PCSK2: variants seen among roughly 807,000 people sequenced by gnomAD.
PCSK2 encodes proprotein convertase subtilisin/kexin type 2, also known as neuroendocrine convertase 2.
In PCSK2, 14 loss-of-function variants were observed where a neutral mutation model predicts 69.7. The ratio of observed to expected loss-of-function variants is 0.20; its 90% CI spans 0.13 to 0.31. The LOEUF is 0.31. Ranked by LOEUF, PCSK2 falls within the 10% of genes least tolerant of loss-of-function variation. The pLI, the probability that PCSK2 is intolerant of heterozygous loss-of-function variation, is 1.00. For synonymous variants in PCSK2, 307 were observed against 320.7 expected, an observed-to-expected ratio of 0.96 and a Z score of 0.46; for missense variants, 544 against 842.5, an observed-to-expected ratio of 0.65 and a Z score of 4.39.
At chr20:17,466,622 T>C (rs1240304082) in intron 11 of PCSK2, among the ~76,000 whole-genome samples, 5 of 152,232 alleles carry the variant, frequency 3.3e-5, no homozygotes, top group Non-Finnish European at 5.9e-5. Flanking sequence ...TCTGTCCTCC[T>C]TGATGCATTA....
chr20:17,283,178 G>A (rs1276583575), intron 2 of PCSK2, among the ~76,000 whole-genome samples: 2 of 151,996 alleles, frequency 1.3e-5, no homozygotes, highest in Non-Finnish European at 2.9e-5. Context: ...AGAGATAGGT[G>A]GATACACAGA....
intron 11 of PCSK2, among the ~76,000 whole-genome samples, chr20:17,469,779 A>G (rs2033169500): frequency 6.6e-6 from 1 of 151,718 alleles, no homozygotes; most frequent in Non-Finnish European, 1.5e-5. Context: ...AATGTCATCC[A>G]GCTACTAAGC....
intron 1 of PCSK2, among the ~76,000 whole-genome samples, chr20:17,246,770 G>T (rs577534182): frequency 6.7e-6 from 1 of 149,730 alleles, no homozygotes; most frequent in East Asian, 2.0e-4. Context: ...GAGAGCAGCT[G>T]TTGTTTCACT....
intron 8 of PCSK2, among the ~76,000 whole-genome samples, chr20:17,438,958 C>T (rs1046073394): frequency 2.0e-5 from 3 of 152,184 alleles, no homozygotes; most frequent in African/African-American, 7.2e-5. Context: ...GAGAGCCCTC[C>T]CTCAATGAGT....
intron 8 of PCSK2, among the ~76,000 whole-genome samples, chr20:17,452,669 G>C (rs1271309299): frequency 6.6e-6 from 1 of 152,222 alleles, no homozygotes; most frequent in East Asian, 1.9e-4. Flanking sequence ...GGAGTGGCTG[G>C]AGGTTGCACC....
intron 5 of PCSK2, among the ~76,000 whole-genome samples, chr20:17,370,778 T>C (rs986382968): frequency 3.3e-5 from 5 of 152,218 alleles, no homozygotes; most frequent in African/African-American, 1.2e-4. Context: ...ACTCCGCTAG[T>C]GCCTTCACCT....
chr20:17,295,517 ATT>A (rs1465196056), intron 2 of PCSK2, among the ~76,000 whole-genome samples: 6 of 142,494 alleles, frequency 4.2e-5, no homozygotes, highest in East Asian at 2.7e-4. Flanking sequence ...TTGTATATTT[ATT>A]TTTATATATA....
chr20:17,227,809 G>A (rs1318995916), intron 1 of PCSK2, among the ~76,000 whole-genome samples: 1 of 152,218 alleles, frequency 6.6e-6, no homozygotes, highest in Non-Finnish European at 1.5e-5. Flanking sequence ...TGGGGATGGA[G>A]GGATGAAGCC....
intron 2 of PCSK2, among the ~76,000 whole-genome samples, chr20:17,317,111 C>T (rs950000103): frequency 3.3e-5 from 5 of 152,080 alleles, no homozygotes; most frequent in Admixed American, 3.3e-4. Context: ...TTCTTCTCTC[C>T]CAACAGATGC....
chr20:17,365,183 C>A (rs1192870528), intron 4 of PCSK2, among the ~76,000 whole-genome samples: 3 of 152,252 alleles, frequency 2.0e-5, no homozygotes, highest in Admixed American at 2.0e-4. Context: ...CTCTCTGCTT[C>A]CAAGATGGCC....
chr20:17,391,103 A>G (rs1172286101), intron 5 of PCSK2, among the ~76,000 whole-genome samples: 1 of 152,216 alleles, frequency 6.6e-6, no homozygotes, highest in Non-Finnish European at 1.5e-5. Flanking sequence ...ATCCCTTTAG[A>G]ATAAGTTCTT....
chr20:17,226,985 G>A (rs1437904753), upstream of PCSK2: 2 of 191,394 alleles, frequency 1.0e-5, no homozygotes, highest in East Asian at 2.6e-4. Flanking sequence ...CTAGGGAATT[G>A]GAGCTGAGGA....
intron 2 of PCSK2, among the ~76,000 whole-genome samples, chr20:17,325,344 G>A (rs1013639027): frequency 2.6e-5 from 4 of 152,176 alleles, no homozygotes; most frequent in Non-Finnish European, 5.9e-5. Flanking sequence ...TCACTACACA[G>A]TTTGTAAATA....
intron 11 of PCSK2, among the ~76,000 whole-genome samples, chr20:17,468,992 A>G (rs556792885): frequency 2.0e-5 from 3 of 152,378 alleles, no homozygotes; most frequent in African/African-American, 7.2e-5. Context: ...TCAGCACCAC[A>G]TGGAAAAAAT....
intron 4 of PCSK2, among the ~76,000 whole-genome samples, chr20:17,364,918 C>T (rs771300118): frequency 2.0e-4 from 31 of 152,002 alleles, no homozygotes; most frequent in Non-Finnish European, 3.7e-4. Context: ...CAGCTGGGAC[C>T]GTCAAAAAGA....
Position 17,453,402 on chromosome 20 carries a change from A to G in PCSK2, c.886-340A>G, listed in dbSNP as rs1245810153. Among the ~76,000 whole-genome samples the G allele has an allele frequency of 6.6e-6, 1 of 152,204 alleles. No homozygotes were observed. The highest frequency in any genetic ancestry group is 6.5e-5 in the Admixed American group (1 of 15,280). On this transcript the variant is annotated intron_variant, in intron 8 of 11. Coordinates refer to ENST00000262545, the MANE Select transcript of PCSK2 (RefSeq NM_002594.5). The surrounding 1 kb of genome is among the most constrained non-coding windows in gnomAD (Gnocchi z 4.0). ...AGAGTTGTTTTTTATTTTCCTTTCCATACAGTTAGACTTTTCATTGTGAGC... is the reference window on the plus strand; with the variant it reads ...AGAGTTGTTTTTTATTTTCCTTTCCGTACAGTTAGACTTTTCATTGTGAGC...
At chr20:17,424,815 C>T (rs1246084871) in intron 6 of PCSK2, among the ~76,000 whole-genome samples, 1 of 151,126 alleles carries the variant, frequency 6.6e-6, no homozygotes, top group East Asian at 2.0e-4. Context: ...GAGACAGTCT[C>T]ATTCTGTCAC....
intron 5 of PCSK2, among the ~76,000 whole-genome samples, chr20:17,392,737 G>A (rs1296990975): frequency 3.3e-5 from 5 of 152,148 alleles, no homozygotes; most frequent in South Asian, 2.1e-4. Context: ...TATCAATGTG[G>A]TTGCATATAT....
At chr20:17,397,425 T>C (rs1353383725) in intron 5 of PCSK2, among the ~76,000 whole-genome samples, 1 of 152,176 alleles carries the variant, frequency 6.6e-6, no homozygotes, top group South Asian at 2.1e-4. Flanking sequence ...TTTACTCTTC[T>C]TTCTTGCAGA....
Sources: gnomAD v4.1 joint callset for allele counts (sites outside exome capture counted in the v4.1 genomes callset) on GRCh38, gnomAD v4.1.1 for gene constraint, Gnocchi (gnomAD v3.1) non-coding constraint, MANE v1.5 for transcripts, NCBI Gene and HGNC (gene_info 2026-07-23, HGNC 2026-07-21) for gene names.